Variants in DPP8 observed in about 807,000 individuals in gnomAD.
The protein encoded by DPP8 is DPP VIII.
A neutral mutation model predicts 107.5 loss-of-function variants in DPP8; 31 were observed. That is an observed-to-expected ratio of 0.29 (90% CI 0.22 to 0.39). The LOEUF (loss-of-function observed/expected upper bound fraction) is 0.39, where lower values mean the gene tolerates loss of function less well. Ranked by LOEUF, DPP8 falls within the 10% of genes least tolerant of loss-of-function variation. DPP8 has a pLI of 1.00. For missense variants in DPP8, 842 were observed against 1,076.1 expected (o/e 0.78, Z 3.04); for synonymous variants, 381 against 356.6 (o/e 1.07, Z -0.77).
At position 65,484,952 on chromosome 15, in the gene DPP8, A is replaced by G. The variant is rs74758930; in HGVS notation, c.1017+147T>C. ...GAACCAGCAGGATGATTTGCAAGTA[A>G]AAAATTAGGTCAATCTAAAATCATG... On this transcript the variant is annotated intron_variant, in intron 8 of 19. Coordinates refer to ENST00000300141, the MANE Select transcript of DPP8 (RefSeq NM_130434.5). 1.8e-3 allele frequency: 1,208 copies of G among 660,280 alleles called. 1 individual carries two copies. Among genetic ancestry groups the G allele is most frequent in the Middle Eastern group, 6.1e-3 (23 of 3,746 alleles). 40.9% of individuals were successfully genotyped at this position (660,280 alleles called of 1,614,324 possible). A position where few individuals can be genotyped will look rare whatever the true frequency, so the allele number is the denominator to read the frequency against.
chr15:65,466,601 G>A (rs2065375456), intron 14 of DPP8, 77 bp downstream of exon 14: 2 of 1,334,298 alleles, frequency 1.5e-6, no homozygotes, highest in Non-Finnish European at 1.1e-6. Flanking sequence ...TCCAGGAAAT[G>A]TGAAAATATG....
At position 65,487,862 on chromosome 15, in the gene DPP8, A is replaced by G. The variant is rs937385790; in HGVS notation, c.827-44T>C. ...ATTGAAAATTTAGAAGAATTATTCC[A>G]GAGAGTAGTCATAACCAACCGTTCC... is the stretch of plus-strand genomic sequence containing the variant. On this transcript the variant is annotated intron_variant, in intron 6 of 19. Transcript: ENST00000300141. The G allele has an allele frequency of 5.1e-6, 7 of 1,366,478 alleles. No homozygotes were observed. The Admixed American group carries it at 5.9e-5, about 12-fold the overall frequency. The allele number at this position is 1,366,478 out of a possible 1,614,324, so 84.6% of individuals were successfully genotyped here.
chr15:65,457,587 T>C (rs1004734954), intron 15 of DPP8, among the ~76,000 whole-genome samples: 9 of 152,076 alleles, frequency 5.9e-5, no homozygotes, highest in Admixed American at 3.9e-4. Context: ...TATGTTTGCT[T>C]ATTATTTTCC....
intron 14 of DPP8, 48 bp from the exon 15 acceptor site, chr15:65,463,954 G>A: frequency 7.2e-7 from 1 of 1,384,978 alleles, no homozygotes; most frequent in Non-Finnish European, 9.6e-7. Flanking sequence ...TCTTATGGGA[G>A]TGCTACAATC....
chr15:65,505,316 C>G (rs1195050023), intron 3 of DPP8, among the ~76,000 whole-genome samples: 1 of 150,252 alleles, frequency 6.7e-6, no homozygotes, highest in African/African-American at 2.5e-5. Flanking sequence ...GATGGCACCA[C>G]TACACTCCAG....
At position 65,507,360 on chromosome 15, in the gene DPP8, A is replaced by G; in HGVS notation, c.260-5T>C. 1 of 1,522,714 alleles carries G rather than the reference A, an allele frequency of 6.6e-7. No individual in the cohort carries two copies. The highest frequency in any genetic ancestry group is 9.0e-7 in the Non-Finnish European group (1 of 1,108,090). 94.3% of individuals were successfully genotyped at this position (1,522,714 alleles called of 1,614,324 possible). ...CTCTGTTCTCACCAGACATGGCTAT[A>G]GGAGAAAGCAATCATTTATTATTAT... is the stretch of plus-strand genomic sequence containing the variant. On this transcript the variant is annotated splice_polypyrimidine_tract_variant and splice_region_variant and intron_variant, in intron 2 of 19. Transcript: ENST00000300141.
At chr15:65,500,355 T>C (rs1011034456) in intron 4 of DPP8, among the ~76,000 whole-genome samples, 1 of 151,772 alleles carries the variant, frequency 6.6e-6, no homozygotes, top group African/African-American at 2.4e-5. Flanking sequence ...GAGGCAGAGG[T>C]TGCGGTGAGC....
At chr15:65,461,456 T>C (rs536694196) in intron 15 of DPP8, among the ~76,000 whole-genome samples, 2 of 152,322 alleles carry the variant, frequency 1.3e-5, no homozygotes, top group Admixed American at 6.5e-5. Context: ...ATCTAGTTTT[T>C]AGAATGTCTT....
At chr15:65,454,937 G>C (rs1283956704) in intron 16 of DPP8, among the ~76,000 whole-genome samples, 2 of 152,048 alleles carry the variant, frequency 1.3e-5, no homozygotes, top group Non-Finnish European at 2.9e-5. Context: ...TCTGTTGCTA[G>C]CCTGTCCTAG....
chr15:65,484,851 T>G (rs930590087), intron 8 of DPP8, among the ~76,000 whole-genome samples: 1 of 152,042 alleles, frequency 6.6e-6, no homozygotes, highest in African/African-American at 2.4e-5. Context: ...TTAACATTAA[T>G]CTGGAGAATA....
chr15:65,466,750 T>C lies in DPP8; in HGVS notation c.1753A>G (p.Lys585Glu). The change falls in exon 14 of 20, where the codon AAG becomes GAG. Residue 585 changes from lysine to glutamate, a missense_variant. Lys to Glu is a moderately conservative substitution (Grantham distance 56, BLOSUM62 1). Coordinates refer to ENST00000300141, the MANE Select transcript of DPP8 (RefSeq NM_130434.5). The stretch of plus-strand genomic sequence containing the variant: ...GGGTCATCTTCAGGACTTGATAGCT[T>C]GTAAAGGGACACACAGTGTGGATTC... Reference protein sequence around the residue: ...QKNPHCVSLYKLSSPEDDPTC... With the variant: ...QKNPHCVSLYELSSPEDDPTC... 3 of 1,614,038 alleles carry C rather than the reference T, an allele frequency of 1.9e-6. No homozygotes were observed. The highest frequency in any genetic ancestry group is 2.5e-6 in the Non-Finnish European group (3 of 1,179,906).
At chr15:65,494,646 G>GAAA (rs5813355) in intron 5 of DPP8, among the ~76,000 whole-genome samples, 73,337 of 114,188 alleles carry the variant, frequency 0.64, 25,455 homozygotes, top group East Asian at 0.85. Flanking sequence ...CAAAAAAATT[G>GAAA]AAAAAAAAAA....
intron 18 of DPP8, 42 bp downstream of exon 18, chr15:65,451,918 C>A (rs1331874896): frequency 9.8e-6 from 15 of 1,527,980 alleles, no homozygotes; most frequent in Non-Finnish European, 1.3e-5. Context: ...GAGTGAGACC[C>A]TGTCTCAATT....
intron 12 of DPP8, among the ~76,000 whole-genome samples, chr15:65,473,363 AAGAC>A (rs1241545756): frequency 2.6e-5 from 4 of 151,972 alleles, no homozygotes; most frequent in East Asian, 1.9e-4. Context: ...GAAAATAGAG[AAGAC>A]AGACAGACTA....
rs542314824 is a variant in DPP8, at chr15:65,494,149, C to CTTTTTTTTTTTTTTTTTT, written c.715+3714_715+3715insAAAAAAAAAAAAAAAAAA. ...TTGAAATTCAAACCGGTTCTATATC[C>CTTTTTTTTTTTTTTTTTT]TTTTTTTTTTTTTTAGAGACAGGGT... On this transcript the variant is annotated intron_variant, in intron 5 of 19. Transcript: ENST00000300141. Among the ~76,000 whole-genome samples the CTTTTTTTTTTTTTTTTTT allele has an allele frequency of 1.9e-3, 228 of 123,228 alleles. 18 individuals are homozygous for CTTTTTTTTTTTTTTTTTT. Among genetic ancestry groups the CTTTTTTTTTTTTTTTTTT allele is most frequent in the African/African-American group, 7.2e-3 (213 of 29,398 alleles). The allele number at this position is 123,228 out of a possible 152,430, so 80.8% of individuals were successfully genotyped here. A position where few individuals can be genotyped will look rare whatever the true frequency, so the allele number is the denominator to read the frequency against.
Position 65,446,879 on chromosome 15 carries a change from C to A in DPP8, c.*5G>T. The A allele has an allele frequency of 6.2e-7, 1 of 1,608,082 alleles. No homozygotes were observed. Among genetic ancestry groups the A allele is most frequent in the South Asian group, 1.1e-5 (1 of 89,710 alleles). On this transcript the variant is annotated 3_prime_UTR_variant, in exon 20 of 20. Transcript: ENST00000300141. ...GTATACCAGAGAGTTCTACACAGGT[C>A]AAAATTATATCACTTTTAGAGCAGC... is the stretch of plus-strand genomic sequence containing the variant.
intron 6 of DPP8, among the ~76,000 whole-genome samples, chr15:65,489,413 C>CGTTTT (rs2067774559): frequency 9.6e-6 from 1 of 104,260 alleles, no homozygotes; most frequent in South Asian, 3.2e-4. Flanking sequence ...ATATAATCTA[C>CGTTTT]TTTTTTTTTT....
Position 65,479,055 on chromosome 15 carries a change from C to T in DPP8, c.1297-16G>A. 6.6e-7 allele frequency: 1 copy of T among 1,511,252 alleles called. No homozygotes were observed. Among genetic ancestry groups the T allele is most frequent in the Non-Finnish European group, 8.9e-7 (1 of 1,120,380 alleles). 93.6% of individuals were successfully genotyped at this position (1,511,252 alleles called of 1,614,324 possible). On this transcript the variant is annotated splice_polypyrimidine_tract_variant and intron_variant, in intron 10 of 19. Coordinates refer to ENST00000300141, the MANE Select transcript of DPP8 (RefSeq NM_130434.5). Reference sequence around the variant, plus strand: ...TGTCATGGATCTGTAAAATGAATAGCTAAATTTACTATACATATTATGAAA... The same window carrying T: ...TGTCATGGATCTGTAAAATGAATAGTTAAATTTACTATACATATTATGAAA...
rs2071360117 is a variant in DPP8, at chr15:65,515,642, T to TCCCTGGTG, written c.-12+1836_-12+1843dup. On this transcript the variant is annotated intron_variant, in intron 1 of 19. Coordinates refer to ENST00000300141, the MANE Select transcript of DPP8 (RefSeq NM_130434.5). ...CACCTACCTCGTCACTTAAGTAGTT[T>TCCCTGGTG]CCCTGGTGCCTACCTGATTTTATTT... 4 of 1,613,048 alleles carry TCCCTGGTG rather than the reference T, an allele frequency of 2.5e-6. No homozygotes were observed. In the East Asian group the frequency reaches 8.9e-5, roughly 36 times the overall value.
Sources: gnomAD v4.1 joint callset for allele counts (sites outside exome capture counted in the v4.1 genomes callset) on GRCh38, gnomAD v4.1.1 for gene constraint, MANE v1.5 for transcripts, NCBI Gene and HGNC (gene_info 2026-07-23, HGNC 2026-07-21) for gene names.